KLHL13: variants seen among roughly 807,000 people sequenced by gnomAD.
The protein encoded by KLHL13 is kelch like family member 13.
Under a neutral mutation model 37.1 loss-of-function variants are expected in KLHL13, and 10 were observed. The observed-to-expected ratio is 0.27, with a 90% CI of 0.17 to 0.46. The LOEUF (loss-of-function observed/expected upper bound fraction) is 0.46. Ranked by LOEUF, KLHL13 falls within the 20% of genes least tolerant of loss-of-function variation. The pLI, the probability that KLHL13 is intolerant of heterozygous loss-of-function variation, is 1.00. For synonymous variants in KLHL13, 163 were observed against 181.2 expected, an observed-to-expected ratio of 0.90 and a Z score of 0.81; for missense variants, 360 against 509.3, an observed-to-expected ratio of 0.71 and a Z score of 2.82.
intron 1 of KLHL13, among the ~76,000 whole-genome samples, chrX:118,097,195 A>C (rs1346401665): frequency 4.5e-5 from 5 of 111,770 alleles, no homozygotes; most frequent in Non-Finnish European, 7.5e-5. Context: ...GTCTCAGCCC[A>C]AAATCTCCTT....
At chrX:117,978,934 A>AT (rs1569432054) in intron 1 of KLHL13, among the ~76,000 whole-genome samples, 2 of 103,780 alleles carry the variant, frequency 1.9e-5, no homozygotes, top group East Asian at 3.0e-4. Flanking sequence ...ATTTTATTTT[A>AT]TTTTTTTTAT....
At chrX:118,028,958 G>A (rs978547973) in intron 1 of KLHL13, among the ~76,000 whole-genome samples, 1 of 111,836 alleles carries the variant, frequency 8.9e-6, no homozygotes, top group Non-Finnish European at 1.9e-5. Flanking sequence ...TCATCCTTTT[G>A]TGCAGTGTAT....
intron 1 of KLHL13, among the ~76,000 whole-genome samples, chrX:118,098,141 C>A (rs1211714833): frequency 3.6e-5 from 4 of 111,688 alleles, no homozygotes; most frequent in Non-Finnish European, 7.5e-5. Flanking sequence ...AGTGAACAGG[C>A]AACCTACAGA....
rs865856608 is a variant in KLHL13, at chrX:118,113,025, T to C, written c.-56+3483A>G. The stretch of plus-strand genomic sequence containing the variant: ...AACATATTTCCATGAGAAAATAAGA[T>C]ATCATTCTTTGAAAAATAAATTCTT... On this transcript the variant is annotated intron_variant, in intron 1 of 6. Coordinates refer to the KLHL13 transcript ENST00000371882. Among the ~76,000 whole-genome samples, 4 of 112,371 alleles carry C rather than the reference T, an allele frequency of 3.6e-5. No individual in the cohort carries two copies. The South Asian group carries it at 1.5e-3, about 42-fold the overall frequency.
chrX:118,056,406 A>T (rs2054685364), intron 1 of KLHL13, among the ~76,000 whole-genome samples: 1 of 111,493 alleles, frequency 9.0e-6, no homozygotes, highest in Non-Finnish European at 1.9e-5. Context: ...CAGATTTAAC[A>T]CAATCCTCAT....
intron 1 of KLHL13, among the ~76,000 whole-genome samples, chrX:117,997,974 T>A (rs2053874849): frequency 8.9e-6 from 1 of 111,962 alleles, no homozygotes; most frequent in South Asian, 3.8e-4. Flanking sequence ...TTCATGTCCT[T>A]GATTTCATTA....
intron 1 of KLHL13, chrX:117,946,774 AC>A (rs1016773079): frequency 1.8e-5 from 2 of 112,129 alleles, no homozygotes; most frequent in African/African-American, 3.2e-5. Context: ...GAAAGGTTTC[AC>A]CTTTTTTTCC....
intron 1 of KLHL13, among the ~76,000 whole-genome samples, chrX:118,060,734 A>G (rs1322508699): frequency 9.0e-6 from 1 of 111,623 alleles, no homozygotes; most frequent in Admixed American, 9.6e-5. Context: ...TTATACTGCT[A>G]TCTTGGTATA....
chrX:117,976,537 T>G (rs1340286103), upstream of KLHL13, among the ~76,000 whole-genome samples: 1 of 112,108 alleles, frequency 8.9e-6, no homozygotes, highest in Non-Finnish European at 1.9e-5. Flanking sequence ...TATGTTCACC[T>G]ATGGAATGAA....
At chrX:118,040,902 C>T (rs1405805201) in intron 1 of KLHL13, among the ~76,000 whole-genome samples, 1 of 112,016 alleles carries the variant, frequency 8.9e-6, no homozygotes, top group Non-Finnish European at 1.9e-5. Context: ...GAGAGAGTGA[C>T]ATGACATATT....
At chrX:117,982,006 A>AC (rs1322370420) in intron 1 of KLHL13, among the ~76,000 whole-genome samples, 1 of 110,437 alleles carries the variant, frequency 9.1e-6, no homozygotes, top group Non-Finnish European at 1.9e-5. Context: ...CTAGCCCAAA[A>AC]CCCCTAGAAA....
At chrX:118,079,300 T>C (rs2054963147) in intron 1 of KLHL13, among the ~76,000 whole-genome samples, 2 of 109,927 alleles carry the variant, frequency 1.8e-5, no homozygotes, top group South Asian at 3.9e-4. Context: ...AGAGCAATCA[T>C]GAAACAGAAT....
At chrX:117,977,637 T>C (rs2053609911), upstream of KLHL13, among the ~76,000 whole-genome samples, 1 of 112,205 alleles carries the variant, frequency 8.9e-6, no homozygotes, top group Admixed American at 9.5e-5. Context: ...AGTTCTGAAA[T>C]GTCTCTTCAG....
intron 2 of KLHL13, among the ~76,000 whole-genome samples, chrX:117,926,934 CT>C (rs1207014352): frequency 8.9e-5 from 6 of 67,257 alleles, no homozygotes; most frequent in Non-Finnish European, 1.5e-4. Flanking sequence ...GAGATGGAGT[CT>C]CGCTCTGTCG....
chrX:117,944,353 C>A (rs1933211045), intron 2 of KLHL13, among the ~76,000 whole-genome samples: 2 of 111,112 alleles, frequency 1.8e-5, no homozygotes, highest in Non-Finnish European at 3.8e-5. Flanking sequence ...ACCCCAGCTC[C>A]AATTAGAAAC....
chrX:117,948,893 T>G (rs1234175669), intron 1 of KLHL13, among the ~76,000 whole-genome samples: 1 of 112,065 alleles, frequency 8.9e-6, no homozygotes, highest in Non-Finnish European at 1.9e-5. Context: ...CTGAAAGCAT[T>G]GTAAACGTGG....
At chrX:118,112,630 T>TTC (rs996642129) in intron 1 of KLHL13, among the ~76,000 whole-genome samples, 2 of 112,000 alleles carry the variant, frequency 1.8e-5, no homozygotes, top group Non-Finnish European at 3.8e-5. Context: ...TAAGGACATA[T>TTC]GGGAAAGTAG....
chrX:117,935,359 A>G (rs1932722767), intron 2 of KLHL13, among the ~76,000 whole-genome samples: 2 of 112,657 alleles, frequency 1.8e-5, no homozygotes, highest in Admixed American at 9.4e-5. Context: ...ACTAGTCACA[A>G]AAGACCACAT....
intron 1 of KLHL13, among the ~76,000 whole-genome samples, chrX:118,102,074 C>A (rs1307759297): frequency 9.0e-6 from 1 of 111,510 alleles, no homozygotes; most frequent in East Asian, 2.8e-4. Flanking sequence ...AAGGCTGCAA[C>A]TTTGGATGGG....
Sources: allele counts gnomAD v4.1 joint callset (sites outside exome capture counted in the v4.1 genomes callset), GRCh38; gene constraint gnomAD v4.1.1; transcripts MANE v1.5; gene names NCBI Gene and HGNC (gene_info 2026-07-23, HGNC 2026-07-21).